GPC6: variants seen among roughly 807,000 people sequenced by gnomAD.
The protein encoded by GPC6 is glypican 6, also known as glypican-6.
GPC6 carries 14 observed loss-of-function variants against 55.2 expected under a neutral mutation model. The ratio of observed to expected loss-of-function variants is 0.25; its 90% CI spans 0.17 to 0.40. The LOEUF is 0.40. Among genes scored for constraint, GPC6 ranks in the 10% least tolerant of loss-of-function variants. GPC6 has a pLI of 1.00. For missense variants in GPC6, 641 were observed against 708.5 expected (o/e 0.90, Z 1.08); for synonymous variants, 278 against 259.6 (o/e 1.07, Z -0.68).
rs114346850 is a variant in GPC6 at position 93,250,427 on chromosome 13, T to G, written c.160+22811T>G. Among the ~76,000 whole-genome samples, 705 of 152,246 alleles carry G rather than the reference T, an allele frequency of 4.6e-3. 2 individuals are homozygous for G. Among genetic ancestry groups the G allele is most frequent in the African/African-American group, 0.016 (682 of 41,560 alleles). On this transcript the variant is annotated intron_variant, in intron 1 of 8. Transcript: ENST00000377047. ...CTTATTCAAGTTGGGAAGGACCGGGTAACTAGTCCCCTTCCTTTGGTATTC... is the reference window on the plus strand; with the variant it reads ...CTTATTCAAGTTGGGAAGGACCGGGGAACTAGTCCCCTTCCTTTGGTATTC...
At chr13:93,597,271 T>C (rs1222790702) in intron 2 of GPC6, among the ~76,000 whole-genome samples, 1 of 152,204 alleles carries the variant, frequency 6.6e-6, no homozygotes, top group Non-Finnish European at 1.5e-5. Context: ...ACACATCACA[T>C]GAACCATCAC....
At chr13:93,507,043 C>T (rs1287742254) in intron 1 of GPC6, among the ~76,000 whole-genome samples, 2 of 112,298 alleles carry the variant, frequency 1.8e-5, no homozygotes, top group African/African-American at 7.1e-5. Flanking sequence ...GCCTGGGCGA[C>T]AGAGCGAGAC....
chr13:93,648,835 C>A (rs1183843889), intron 2 of GPC6, among the ~76,000 whole-genome samples: 2 of 152,136 alleles, frequency 1.3e-5, no homozygotes, highest in African/African-American at 4.8e-5. Flanking sequence ...ACCCATGTCA[C>A]GCAAAACTTA....
chr13:94,148,547 A>G (rs1261318539), intron 4 of GPC6, among the ~76,000 whole-genome samples: 1 of 152,216 alleles, frequency 6.6e-6, no homozygotes. Context: ...CTGCAATTTA[A>G]TTTAACTGAC....
chr13:93,652,724 T>A (rs1366555642), intron 2 of GPC6, among the ~76,000 whole-genome samples: 1 of 152,240 alleles, frequency 6.6e-6, no homozygotes, highest in East Asian at 1.9e-4. Flanking sequence ...CTTTTCCATA[T>A]GACATGCTGT....
intron 3 of GPC6, among the ~76,000 whole-genome samples, chr13:93,961,442 C>T (rs1315211813): frequency 6.6e-6 from 1 of 152,188 alleles, no homozygotes; most frequent in Non-Finnish European, 1.5e-5. Context: ...AGTATTTCCA[C>T]CTTCCTCTTT....
At chr13:93,975,656 C>T (rs952542420) in intron 3 of GPC6, among the ~76,000 whole-genome samples, 8 of 152,070 alleles carry the variant, frequency 5.3e-5, no homozygotes, top group Non-Finnish European at 1.2e-4. Context: ...TTTTTGTTCC[C>T]CAAGACCTGC....
intron 4 of GPC6, among the ~76,000 whole-genome samples, chr13:94,176,992 C>CT (rs1888799428): frequency 6.6e-6 from 1 of 152,172 alleles, no homozygotes; most frequent in Non-Finnish European, 1.5e-5. Context: ...TGCTTTAAAA[C>CT]TATTTTTAAA....
At chr13:93,687,438 A>G (rs1882090190) in intron 2 of GPC6, among the ~76,000 whole-genome samples, 1 of 152,104 alleles carries the variant, frequency 6.6e-6, no homozygotes, top group African/African-American at 2.4e-5. Context: ...CAGTCCCAGC[A>G]CTTAAGACTT....
At chr13:93,291,189 T>C (rs1878309435) in intron 1 of GPC6, among the ~76,000 whole-genome samples, 3 of 152,154 alleles carry the variant, frequency 2.0e-5, no homozygotes, top group Non-Finnish European at 4.4e-5. Flanking sequence ...GTTAATAGTT[T>C]GATAATTTCT....
intron 2 of GPC6, among the ~76,000 whole-genome samples, chr13:93,646,025 A>G (rs1333061165): frequency 6.6e-6 from 1 of 152,132 alleles, no homozygotes; most frequent in African/African-American, 2.4e-5. Flanking sequence ...TAGAAATTTT[A>G]CCATGATTTT....
intron 3 of GPC6, among the ~76,000 whole-genome samples, chr13:93,832,144 T>TATAA (rs1467780054): frequency 2.0e-5 from 2 of 100,808 alleles, no homozygotes; most frequent in African/African-American, 4.0e-5. Context: ...TATATATATA[T>TATAA]AATGTCCTTA....
intron 4 of GPC6, among the ~76,000 whole-genome samples, chr13:94,096,900 C>T (rs569296195): frequency 6.6e-6 from 1 of 152,158 alleles, no homozygotes; most frequent in Non-Finnish European, 1.5e-5. Flanking sequence ...TTCATCTGCT[C>T]TTGGCTGCTT....
At chr13:93,864,179 C>A (rs1223442947) in intron 3 of GPC6, among the ~76,000 whole-genome samples, 1 of 151,548 alleles carries the variant, frequency 6.6e-6, no homozygotes, top group Admixed American at 6.6e-5. Flanking sequence ...TTATAATAAC[C>A]AAATTAATAT....
intron 1 of GPC6, among the ~76,000 whole-genome samples, chr13:93,267,595 A>G (rs1375237470): frequency 6.6e-6 from 1 of 152,194 alleles, no homozygotes; most frequent in East Asian, 1.9e-4. Flanking sequence ...ATGATTATAA[A>G]GAGCTACACA....
intron 2 of GPC6, among the ~76,000 whole-genome samples, chr13:93,811,878 A>G (rs1594477762): frequency 6.6e-6 from 1 of 152,240 alleles, no homozygotes; most frequent in African/African-American, 2.4e-5. Context: ...AGTATCAACT[A>G]CTTTCCCTGC....
chr13:94,356,175 C>A (rs1235495070), intron 6 of GPC6, among the ~76,000 whole-genome samples: 1 of 152,198 alleles, frequency 6.6e-6, no homozygotes, highest in African/African-American at 2.4e-5. Flanking sequence ...ACCATATTTT[C>A]TTTATCCAGT....
intron 3 of GPC6, among the ~76,000 whole-genome samples, chr13:93,972,606 G>A (rs1309373993): frequency 6.6e-6 from 1 of 152,130 alleles, no homozygotes; most frequent in Non-Finnish European, 1.5e-5. Flanking sequence ...CAGTTACTGT[G>A]AGTTCTCTCT....
intron 3 of GPC6, among the ~76,000 whole-genome samples, chr13:93,950,727 C>T (rs1244948004): frequency 6.6e-6 from 1 of 152,130 alleles, no homozygotes; most frequent in African/African-American, 2.4e-5. Flanking sequence ...GTTTCATCAT[C>T]TGTGACCTTC....
Sources: allele counts gnomAD v4.1 joint callset (sites outside exome capture counted in the v4.1 genomes callset), GRCh38; gene constraint gnomAD v4.1.1; transcripts MANE v1.5; gene names NCBI Gene and HGNC (gene_info 2026-07-23, HGNC 2026-07-21).